The following SMARCA2 variants were observed in gnomAD, a reference collection of about 807,000 sequenced individuals.
SMARCA2 encodes the protein SWI/SNF-related matrix-associated actin-dependent regulator of chromatin subfamily A member 2.
A neutral mutation model predicts 199.8 loss-of-function variants in SMARCA2; 61 were observed. That is an observed-to-expected ratio of 0.31 (90% confidence interval 0.25 to 0.38). SMARCA2 has a LOEUF of 0.38. SMARCA2 is among the 10% of genes least tolerant of loss of function. The probability of loss-of-function intolerance (pLI) is 1.00; values close to 1 mark genes in which losing one functional copy is unlikely to be tolerated. For synonymous variants in SMARCA2, 935 were observed against 732.0 expected (o/e 1.28, Z -4.48); for missense variants, 1,344 against 2,012.2 (o/e 0.67, Z 6.35).
chr9:2,114,212 A>G (rs1823124451), intron 24 of SMARCA2, among the ~76,000 whole-genome samples: 1 of 152,226 alleles, frequency 6.6e-6, no homozygotes, highest in Non-Finnish European at 1.5e-5. Flanking sequence ...GATTTGAATG[A>G]TCCACCTTAC....
intron 27 of SMARCA2, among the ~76,000 whole-genome samples, chr9:2,142,386 G>T (rs1329606106): frequency 6.6e-6 from 1 of 152,154 alleles, no homozygotes; most frequent in East Asian, 1.9e-4. Flanking sequence ...TCCTTTTAAA[G>T]GTTAAAGCAG....
intron 28 of SMARCA2, among the ~76,000 whole-genome samples, chr9:2,163,710 T>G (rs115477624): frequency 6.6e-6 from 1 of 152,194 alleles, no homozygotes; most frequent in African/African-American, 2.4e-5. Flanking sequence ...ACAGGCATTT[T>G]GTTCATTACT....
intron 5 of SMARCA2, among the ~76,000 whole-genome samples, chr9:2,051,847 CA>C (rs929714038): frequency 6.6e-6 from 1 of 151,538 alleles, no homozygotes; most frequent in African/African-American, 2.4e-5. Context: ...TTATATATTT[CA>C]AAAAAAATCA....
intron 9 of SMARCA2, chr9:2,069,133 GTCTCGA>G (rs988891578): frequency 4.0e-5 from 6 of 150,410 alleles, no homozygotes; most frequent in Non-Finnish European, 7.4e-5. Flanking sequence ...AGCCAGGATG[GTCTCGA>G]TCTCCTGACC....
At chr9:2,186,026 G>A in intron 31 of SMARCA2, 70 bp from the exon 32 acceptor site, 4 of 1,440,462 alleles carry the variant, frequency 2.8e-6, no homozygotes, top group African/African-American at 1.4e-5. Context: ...CTGGTGTATT[G>A]CATAAGGAAG....
At chr9:2,053,260 A>C (rs1820206818) in intron 5 of SMARCA2, among the ~76,000 whole-genome samples, 1 of 152,222 alleles carries the variant, frequency 6.6e-6, no homozygotes, top group Non-Finnish European at 1.5e-5. Context: ...TTTGCTTAGG[A>C]TAATGGCCTC....
At chr9:2,037,362 C>T (rs10117064) in intron 3 of SMARCA2, among the ~76,000 whole-genome samples, 1,815 of 152,310 alleles carry the variant, frequency 0.012, 49 homozygotes, top group African/African-American at 0.041. Flanking sequence ...GGTGTTTGTG[C>T]TTCCTCACGG....
intron 27 of SMARCA2, among the ~76,000 whole-genome samples, chr9:2,140,303 A>C (rs368535060): frequency 3.3e-5 from 5 of 152,192 alleles, no homozygotes; most frequent in Admixed American, 1.3e-4. Context: ...TTTAATTTTA[A>C]AATATCAATA....
intron 19 of SMARCA2, among the ~76,000 whole-genome samples, chr9:2,091,767 A>G (rs961585481): frequency 2.0e-5 from 3 of 152,148 alleles, no homozygotes; most frequent in Admixed American, 6.6e-5. Flanking sequence ...AGTGCTTGCT[A>G]TTGTCAGTTT....
intron 18 of SMARCA2, among the ~76,000 whole-genome samples, chr9:2,087,947 T>G (rs1321475824): frequency 6.6e-6 from 1 of 152,150 alleles, no homozygotes; most frequent in African/African-American, 2.4e-5. Flanking sequence ...TAAGATGGAC[T>G]AAACTTGAAC....
At chr9:2,132,495 G>C (rs117645647) in intron 27 of SMARCA2, among the ~76,000 whole-genome samples, 3,738 of 152,258 alleles carry the variant, frequency 0.025, 90 homozygotes, top group Non-Finnish European at 0.032. Context: ...TGTGCATCAT[G>C]TTTGTAATAT....
chr9:2,157,575 C>T (rs1221083595), intron 27 of SMARCA2: 4 of 263,272 alleles, frequency 1.5e-5, no homozygotes, highest in Middle Eastern at 1.0e-3. Context: ...TCCCGTTGCA[C>T]ATGGAAGAAA....
rs1819908865 is a variant in SMARCA2 at position 2,047,362 on chromosome 9, G to T, written c.924G>T (p.Pro308=). 7 of 1,503,154 alleles carry T rather than the reference G, an allele frequency of 4.7e-6. No homozygotes were observed. The highest frequency in any genetic ancestry group is 5.3e-6 in the Non-Finnish European group (6 of 1,123,226). 93.1% of individuals were successfully genotyped at this position (1,503,154 alleles called of 1,614,324 possible). ...PAAAVPGPSV[P]QPAPGQPSPV... ...CCGCAGTGCCCGGGCCCTCAGTGCC[G>T]CAGCCGGCCCCGGGGCAGCCCTCGC... Residue 308 remains proline, a synonymous_variant, in exon 5 of 34, where the codon CCG becomes CCT. Coordinates refer to ENST00000349721, the MANE Select transcript of SMARCA2 (RefSeq NM_003070.5).
At position 2,103,996 on chromosome 9, in the gene SMARCA2, G is replaced by T; in HGVS notation, c.3126-7G>T. ...GTCTTCTTGTTTTTGCATTTTTTTGGGTTCAGGGCTGAACTGTATCGGGCC... is the reference window on the plus strand; with the variant it reads ...GTCTTCTTGTTTTTGCATTTTTTTGTGTTCAGGGCTGAACTGTATCGGGCC... On this transcript the variant is annotated splice_polypyrimidine_tract_variant and splice_region_variant and intron_variant, in intron 22 of 33. Transcript: ENST00000349721. The T allele has an allele frequency of 1.2e-6, 2 of 1,603,168 alleles. No individual in the cohort carries two copies. Among genetic ancestry groups the T allele is most frequent in the Admixed American group, 3.5e-5 (2 of 57,734 alleles).
At chr9:2,145,828 T>C (rs924376877) in intron 27 of SMARCA2, among the ~76,000 whole-genome samples, 1 of 152,024 alleles carries the variant, frequency 6.6e-6, no homozygotes, top group Non-Finnish European at 1.5e-5. Context: ...ATTATCTTTG[T>C]AAGAAGAAAA....
At chr9:2,060,198 AAAAG>A (rs1375061293) in intron 8 of SMARCA2, among the ~76,000 whole-genome samples, 2 of 151,782 alleles carry the variant, frequency 1.3e-5, no homozygotes, top group African/African-American at 4.8e-5. Context: ...TGTAATGCCA[AAAAG>A]AAAGACTTTT....
In SMARCA2 at chr9:2,169,794, T is replaced by C. The variant is rs1826143169; in HGVS notation, c.4200-625T>C. On this transcript the variant is annotated intron_variant, in intron 28 of 33. Coordinates refer to ENST00000349721, the MANE Select transcript of SMARCA2 (RefSeq NM_003070.5). The surrounding 1 kb of genome is among the most constrained non-coding windows in gnomAD (Gnocchi z 6.5). ...AAATCCTCAACTGAAGAGGCTTTTC[T>C]AGAGGCTTGTAGAAGTGCCCAAGAC... 6.6e-6 allele frequency among the ~76,000 whole-genome samples: 1 copy of C among 152,302 alleles called. No homozygotes were observed. Among genetic ancestry groups the C allele is most frequent in the African/African-American group, 2.4e-5 (1 of 41,568 alleles).
intron 27 of SMARCA2, among the ~76,000 whole-genome samples, chr9:2,147,824 G>C: frequency 6.6e-6 from 1 of 151,310 alleles, no homozygotes; most frequent in East Asian, 1.9e-4. Flanking sequence ...CTCCAGCCTG[G>C]GTGACAGAGC....
chr9:2,132,253 G>C (rs1331312309), intron 27 of SMARCA2, among the ~76,000 whole-genome samples: 1 of 152,232 alleles, frequency 6.6e-6, no homozygotes, highest in African/African-American at 2.4e-5. Flanking sequence ...CAGGTGTAAA[G>C]AGGTGGGCTG....
Sources: allele counts gnomAD v4.1 joint callset (sites outside exome capture counted in the v4.1 genomes callset), GRCh38; gene constraint gnomAD v4.1.1; non-coding constraint Gnocchi (gnomAD v3.1); transcripts MANE v1.5; gene names NCBI Gene and HGNC (gene_info 2026-07-23, HGNC 2026-07-21).